The following PCDH9 variants were observed in gnomAD, a reference collection of about 807,000 sequenced individuals.
PCDH9 encodes protocadherin-9.
In PCDH9, 24 loss-of-function variants were observed where a neutral mutation model predicts 70.6. That is an observed-to-expected ratio of 0.34 (90% CI 0.25 to 0.48). The LOEUF (loss-of-function observed/expected upper bound fraction) is 0.48, where lower values mean the gene tolerates loss of function less well. PCDH9 is among the 20% of genes least tolerant of loss of function. The pLI is 0.99. For missense variants in PCDH9, 1,281 were observed against 1,503.6 expected (o/e 0.85, Z 2.45); for synonymous variants, 562 against 558.5 (o/e 1.01, Z -0.09).
intron 3 of PCDH9, among the ~76,000 whole-genome samples, chr13:66,844,816 A>G (rs1189246692): frequency 6.6e-6 from 1 of 152,182 alleles, no homozygotes; most frequent in Admixed American, 6.5e-5. Context: ...TCATATTCTT[A>G]TAGAATCTTA....
intron 3 of PCDH9, among the ~76,000 whole-genome samples, chr13:66,799,790 TTA>T (rs778764251): frequency 1.2e-4 from 19 of 152,178 alleles, no homozygotes; most frequent in South Asian, 1.0e-3. Flanking sequence ...TCAAAAAACT[TTA>T]TGAGTCTCCT....
intron 2 of PCDH9, among the ~76,000 whole-genome samples, chr13:66,988,724 T>A (rs1312893681): frequency 1.3e-5 from 2 of 152,000 alleles, no homozygotes; most frequent in East Asian, 1.9e-4. Context: ...GGGACAGTCA[T>A]CTATTCTTAT....
At chr13:66,636,334 G>T (rs1306626465) in intron 3 of PCDH9, among the ~76,000 whole-genome samples, 1 of 152,032 alleles carries the variant, frequency 6.6e-6, no homozygotes, top group Non-Finnish European at 1.5e-5. Flanking sequence ...TTTCCCTTGA[G>T]CTAAGGTATG....
At chr13:66,771,756 T>C (rs1443921830) in intron 3 of PCDH9, among the ~76,000 whole-genome samples, 1 of 152,246 alleles carries the variant, frequency 6.6e-6, no homozygotes, top group Non-Finnish European at 1.5e-5. Context: ...ATTTATCTCC[T>C]CAATTCTCAG....
intron 4 of PCDH9, among the ~76,000 whole-genome samples, chr13:66,496,868 G>A (rs898719675): frequency 6.6e-6 from 1 of 152,152 alleles, no homozygotes; most frequent in Admixed American, 6.5e-5. Context: ...GGCAATGTGG[G>A]ATTGTGTATC....
chr13:66,699,018 G>A (rs921119836), intron 3 of PCDH9, among the ~76,000 whole-genome samples: 3 of 147,414 alleles, frequency 2.0e-5, no homozygotes, highest in African/African-American at 5.0e-5. Context: ...AGATTCAAGC[G>A]ATTCTCCCAC....
intron 3 of PCDH9, among the ~76,000 whole-genome samples, chr13:66,723,535 G>GC (rs1362474808): frequency 2.9e-4 from 44 of 152,228 alleles, no homozygotes; most frequent in Non-Finnish European, 6.0e-4. Flanking sequence ...TGCAAATAAA[G>GC]ACAAGTAGCT....
chr13:66,373,939 G>A (rs1956704016), intron 4 of PCDH9, among the ~76,000 whole-genome samples: 1 of 152,014 alleles, frequency 6.6e-6, no homozygotes. Context: ...GGATTATTCA[G>A]AATTTCAAAA....
intron 2 of PCDH9, among the ~76,000 whole-genome samples, chr13:67,129,525 T>A (rs1414833028): frequency 6.6e-6 from 1 of 152,036 alleles, no homozygotes; most frequent in African/African-American, 2.4e-5. Flanking sequence ...TATTAGTCTA[T>A]AAGAATGAGT....
chr13:67,104,680 C>T (rs975635761), intron 2 of PCDH9, among the ~76,000 whole-genome samples: 1 of 152,064 alleles, frequency 6.6e-6, no homozygotes, highest in Non-Finnish European at 1.5e-5. Context: ...TCTCGAGTAG[C>T]TGGGACTACA....
At chr13:67,219,093 A>G (rs2089669883) in intron 2 of PCDH9, 1 of 152,070 alleles carries the variant, frequency 6.6e-6, no homozygotes, top group Non-Finnish European at 1.5e-5. Context: ...ATCAGAGACA[A>G]ACTGTCTATA....
intron 4 of PCDH9, among the ~76,000 whole-genome samples, chr13:66,616,916 A>G (rs1434001062): frequency 6.6e-6 from 1 of 152,112 alleles, no homozygotes; most frequent in Non-Finnish European, 1.5e-5. Flanking sequence ...TCCAAGCTTC[A>G]GGTCAAAGCC....
At position 66,490,250 on chromosome 13, in the gene PCDH9, C is replaced by T. The variant is rs75477373; in HGVS notation, c.3340+140960G>A. 4.7e-3 allele frequency among the ~76,000 whole-genome samples: 709 copies of T among 152,254 alleles called. 31 individuals carry two copies. In the East Asian group the frequency reaches 0.091, roughly 20 times the overall value. On this transcript the variant is annotated intron_variant, in intron 4 of 4. Transcript: ENST00000377865. ...GTCCTTTGCTTAAGGCCACCAGTGC[C>T]ATTAAGGCCTCCTGAGTTCTTCAGA...
chr13:67,035,829 T>G (rs2084998290), intron 2 of PCDH9, among the ~76,000 whole-genome samples: 1 of 152,132 alleles, frequency 6.6e-6, no homozygotes, highest in Non-Finnish European at 1.5e-5. Context: ...TTACAAAGAA[T>G]AATACAAATA....
chr13:66,738,551 G>C (rs866014963), intron 3 of PCDH9, among the ~76,000 whole-genome samples: 1 of 125,902 alleles, frequency 7.9e-6, no homozygotes, highest in African/African-American at 2.8e-5. Context: ...TCTGAGCTAC[G>C]GGAGGACATT....
intron 4 of PCDH9, among the ~76,000 whole-genome samples, chr13:66,416,480 C>A (rs941398074): frequency 3.8e-4 from 58 of 152,184 alleles, no homozygotes; most frequent in African/African-American, 1.4e-3. Context: ...TAATTTAATA[C>A]TTTTATAAAT....
chr13:66,362,718 C>A (rs2138196820), intron 4 of PCDH9, among the ~76,000 whole-genome samples: 1 of 151,908 alleles, frequency 6.6e-6, no homozygotes, highest in South Asian at 2.1e-4. Flanking sequence ...GGGTATGTTT[C>A]TGTGTGTGTG....
At chr13:66,306,663 C>A (rs897923712) in intron 4 of PCDH9, among the ~76,000 whole-genome samples, 7 of 151,524 alleles carry the variant, frequency 4.6e-5, no homozygotes, top group African/African-American at 1.7e-4. Flanking sequence ...TTAGAATATC[C>A]TTAAAATTAC....
intron 2 of PCDH9, among the ~76,000 whole-genome samples, chr13:67,092,429 C>A (rs1313383259): frequency 6.6e-6 from 1 of 151,912 alleles, no homozygotes; most frequent in Admixed American, 6.6e-5. Flanking sequence ...TGTTGGATTG[C>A]AAAGAAAAGT....
Sources: gnomAD v4.1 joint callset for allele counts (sites outside exome capture counted in the v4.1 genomes callset) on GRCh38, gnomAD v4.1.1 for gene constraint, MANE v1.5 for transcripts, NCBI Gene and HGNC (gene_info 2026-07-23, HGNC 2026-07-21) for gene names.